Variants in AGBL1 observed in about 807,000 individuals in gnomAD.
The protein encoded by AGBL1 is AGBL carboxypeptidase 1.
In AGBL1, 130 loss-of-function variants were observed where a neutral mutation model predicts 118.9. The observed-to-expected ratio is 1.09, with a 90% CI of 0.95 to 1.26. The LOEUF is 1.26. Ranked by LOEUF, AGBL1 falls within the 50% of genes most tolerant of loss-of-function variation. The pLI, the probability that AGBL1 is intolerant of heterozygous loss-of-function variation, is 0.00. For synonymous variants in AGBL1, 555 were observed against 478.9 expected (o/e 1.16, Z -2.08); for missense variants, 1,584 against 1,298.1 (o/e 1.22, Z -3.38).
intron 18 of AGBL1, among the ~76,000 whole-genome samples, chr15:86,408,544 A>G (rs2081566574): frequency 6.6e-6 from 1 of 152,218 alleles, no homozygotes; most frequent in Non-Finnish European, 1.5e-5. Flanking sequence ...CCTGAGTTTC[A>G]TTCGTCACAT....
chr15:86,106,976 G>T (rs1421828951), intron 1 of AGBL1, among the ~76,000 whole-genome samples: 3 of 152,164 alleles, frequency 2.0e-5, no homozygotes, highest in African/African-American at 7.2e-5. Context: ...TGAGGCTGGA[G>T]GGATTGTTGA....
chr15:86,549,312 C>G (rs1215091837), intron 20 of AGBL1, among the ~76,000 whole-genome samples: 1 of 152,076 alleles, frequency 6.6e-6, no homozygotes. Flanking sequence ...AATCAATCAA[C>G]AGAGAGTGGA....
intron 17 of AGBL1, among the ~76,000 whole-genome samples, chr15:86,335,280 A>C (rs887504852): frequency 1.3e-5 from 2 of 152,106 alleles, no homozygotes; most frequent in African/African-American, 4.8e-5. Flanking sequence ...CTGGGACTAC[A>C]GGCATGTGCC....
At chr15:86,186,644 G>T (rs2077637848) in intron 5 of AGBL1, among the ~76,000 whole-genome samples, 1 of 152,160 alleles carries the variant, frequency 6.6e-6, no homozygotes, top group Admixed American at 6.5e-5. Context: ...CCCTCTGGCT[G>T]CCACAAAGGC....
intron 6 of AGBL1, among the ~76,000 whole-genome samples, chr15:86,232,280 G>A (rs2078468802): frequency 6.6e-6 from 1 of 152,210 alleles, no homozygotes; most frequent in Non-Finnish European, 1.5e-5. Flanking sequence ...GACCCAGTAG[G>A]TTGGGCGGGC....
At chr15:86,482,779 G>T (rs2082668742) in intron 18 of AGBL1, among the ~76,000 whole-genome samples, 1 of 151,962 alleles carries the variant, frequency 6.6e-6, no homozygotes. Context: ...ACATAGATCA[G>T]ATTTTTTTTT....
chr15:86,450,461 G>C (rs16977268), intron 18 of AGBL1, among the ~76,000 whole-genome samples: 9 of 152,176 alleles, frequency 5.9e-5, no homozygotes, highest in African/African-American at 2.2e-4. Context: ...GGATTTGTTG[G>C]TTGACTGTTT....
chr15:86,315,598 G>A (rs1290167072), intron 17 of AGBL1, among the ~76,000 whole-genome samples: 1 of 151,402 alleles, frequency 6.6e-6, no homozygotes, highest in Non-Finnish European at 1.5e-5. Context: ...CGCGCCTGTA[G>A]TCCCAGCTAC....
At chr15:86,827,654 C>T (rs899403449) in intron 22 of AGBL1, among the ~76,000 whole-genome samples, 1 of 144,820 alleles carries the variant, frequency 6.9e-6, no homozygotes, top group Non-Finnish European at 1.5e-5. Context: ...AGTTGAAGCC[C>T]CCATGTCCTC....
At chr15:86,556,622 T>C (rs1219685477) in intron 21 of AGBL1, among the ~76,000 whole-genome samples, 1 of 152,214 alleles carries the variant, frequency 6.6e-6, no homozygotes, top group African/African-American at 2.4e-5. Context: ...GATTTTTGCG[T>C]AAGGTACATA....
intron 19 of AGBL1, among the ~76,000 whole-genome samples, chr15:86,544,049 T>C (rs571023960): frequency 2.6e-5 from 4 of 152,274 alleles, no homozygotes; most frequent in African/African-American, 9.6e-5. Flanking sequence ...ATTTTGTATG[T>C]GGAAGGGAGG....
chr15:86,572,573 T>C (rs1319157170), intron 21 of AGBL1, among the ~76,000 whole-genome samples: 3 of 152,148 alleles, frequency 2.0e-5, no homozygotes, highest in African/African-American at 7.2e-5. Context: ...TGGTGGTTGG[T>C]GAGAGCAGCA....
chr15:86,802,078 A>T (rs1434139376), intron 22 of AGBL1, among the ~76,000 whole-genome samples: 1 of 152,102 alleles, frequency 6.6e-6, no homozygotes, highest in Admixed American at 6.6e-5. Context: ...TAGGGATTTA[A>T]ATTTGCCGAG....
At chr15:86,308,323 T>A (rs2079870940) in intron 17 of AGBL1, among the ~76,000 whole-genome samples, 1 of 151,974 alleles carries the variant, frequency 6.6e-6, no homozygotes, top group South Asian at 2.1e-4. Context: ...GCCCTGATGA[T>A]ACTAGTGTTC....
intron 1 of AGBL1, among the ~76,000 whole-genome samples, chr15:86,106,277 T>C (rs1470340490): frequency 6.6e-6 from 1 of 152,200 alleles, no homozygotes; most frequent in Admixed American, 6.5e-5. Flanking sequence ...AATTCCCCAT[T>C]ACCTAGAACA....
intron 22 of AGBL1, among the ~76,000 whole-genome samples, chr15:86,750,132 A>G (rs2141251592): frequency 6.6e-6 from 1 of 152,206 alleles, no homozygotes; most frequent in Admixed American, 6.6e-5. Flanking sequence ...TTTAATACTC[A>G]GGATTCCCTG....
intron 24 of AGBL1, among the ~76,000 whole-genome samples, chr15:86,998,506 T>A (rs748674072): frequency 6.6e-6 from 1 of 152,200 alleles, no homozygotes; most frequent in Non-Finnish European, 1.5e-5. Flanking sequence ...GATACCTCAA[T>A]TGTAGCCTCT....
chr15:86,399,957 A>T (rs1437797715), intron 18 of AGBL1, among the ~76,000 whole-genome samples: 1 of 152,220 alleles, frequency 6.6e-6, no homozygotes, highest in Non-Finnish European at 1.5e-5. Flanking sequence ...AGGGACTTGG[A>T]AATCATAGTG....
chr15:86,466,449 G>C (rs1173736178), intron 18 of AGBL1, among the ~76,000 whole-genome samples: 1 of 151,990 alleles, frequency 6.6e-6, no homozygotes, highest in African/African-American at 2.4e-5. Flanking sequence ...TGCTCCTTTA[G>C]GTTGGAGGAG....
Sources: gnomAD v4.1 joint callset for allele counts (sites outside exome capture counted in the v4.1 genomes callset) on GRCh38, gnomAD v4.1.1 for gene constraint, MANE v1.5 for transcripts, NCBI Gene and HGNC (gene_info 2026-07-23, HGNC 2026-07-21) for gene names.